The following SPRY3 variants were observed in gnomAD, a reference collection of about 807,000 sequenced individuals.
SPRY3 encodes the protein protein sprouty homolog 3.
Under a neutral mutation model 20.2 loss-of-function variants are expected in SPRY3, and 15 were observed. The ratio of observed to expected loss-of-function variants is 0.74; its 90% CI spans 0.50 to 1.14. The LOEUF is 1.14. SPRY3 is among the 50% of genes most tolerant of loss of function. The pLI is 0.00. For missense variants in SPRY3, 364 were observed against 363.9 expected, an observed-to-expected ratio of 1.00 and a Z score of 0.00; for synonymous variants, 143 against 136.5, an observed-to-expected ratio of 1.05 and a Z score of -0.33.
intron 2 of SPRY3, among the ~76,000 whole-genome samples, chrX:155,667,761 A>G (rs975310994): frequency 1.1e-4 from 12 of 111,566 alleles, no homozygotes; most frequent in Non-Finnish European, 1.1e-4. Flanking sequence ...ATCTCTTATG[A>G]ATCAATAAGA....
At chrX:155,781,949 C>T (rs1230188246) in exon 2 of SPRY3, 5 of 166,724 alleles carry the variant, frequency 3.0e-5, no homozygotes, top group African/African-American at 7.3e-5. Flanking sequence ...TTTCTCTTGC[C>T]CTTGCTGGAA....
intron 1 of SPRY3, among the ~76,000 whole-genome samples, chrX:155,650,273 T>G (rs2067972556): frequency 8.9e-6 from 1 of 111,885 alleles, no homozygotes; most frequent in African/African-American, 3.2e-5. Flanking sequence ...AAATTTCATA[T>G]GGAATCAAAA....
intron 1 of SPRY3, among the ~76,000 whole-genome samples, chrX:155,639,918 A>G (rs1192156166): frequency 1.8e-5 from 2 of 112,366 alleles, no homozygotes; most frequent in Non-Finnish European, 3.8e-5. Flanking sequence ...ATAAATATGA[A>G]GTGATATCTC....
At chrX:155,710,385 G>A (rs1224464738) in intron 2 of SPRY3, among the ~76,000 whole-genome samples, 1 of 151,308 alleles carries the variant, frequency 6.6e-6, no homozygotes, top group Non-Finnish European at 1.5e-5. Context: ...TAACTTCTTT[G>A]GTTAAGTTAA....
intron 1 of SPRY3, among the ~76,000 whole-genome samples, chrX:155,646,582 T>A (rs2067958460): frequency 9.0e-6 from 1 of 111,567 alleles, no homozygotes; most frequent in Admixed American, 9.6e-5. Context: ...CTTAGTTTCC[T>A]TTTTTGGATG....
chrX:155,760,963 C>A (rs1351770624), intron 2 of SPRY3, among the ~76,000 whole-genome samples: 2 of 152,130 alleles, frequency 1.3e-5, no homozygotes, highest in East Asian at 3.8e-4. Context: ...TGGAATTTGT[C>A]TCTAATATTG....
At chrX:155,721,931 T>C (rs1330222189) in intron 2 of SPRY3, among the ~76,000 whole-genome samples, 1 of 152,140 alleles carries the variant, frequency 6.6e-6, no homozygotes, top group Non-Finnish European at 1.5e-5. Flanking sequence ...ACTGTAACTG[T>C]GGTGTGTAAA....
At chrX:155,699,122 C>A (rs955181781) in intron 2 of SPRY3, among the ~76,000 whole-genome samples, 1 of 111,926 alleles carries the variant, frequency 8.9e-6, no homozygotes, top group Admixed American at 9.5e-5. Context: ...AAAGGTGACT[C>A]TCTCTATTCA....
chrX:155,725,155 C>G (rs901702439), intron 2 of SPRY3, among the ~76,000 whole-genome samples: 1 of 152,096 alleles, frequency 6.6e-6, no homozygotes, highest in Non-Finnish European at 1.5e-5. Flanking sequence ...AGCCTTGCAT[C>G]CCAGGGATAA....
chrX:155,638,024 C>A (rs2067929072), intron 1 of SPRY3, among the ~76,000 whole-genome samples: 1 of 105,191 alleles, frequency 9.5e-6, no homozygotes, highest in South Asian at 4.2e-4. Flanking sequence ...TGTAAGGTAA[C>A]CCCATTGGGT....
intron 2 of SPRY3, among the ~76,000 whole-genome samples, chrX:155,741,894 C>G (rs1480307533): frequency 6.6e-6 from 1 of 152,174 alleles, no homozygotes; most frequent in African/African-American, 2.4e-5. Context: ...CTAAAACACA[C>G]TGAAATACAG....
rs1569562347 is a variant in SPRY3, at chrX:155,616,132, T to TCTCTCTCTCTCTCTC, written c.-441+3486_-441+3500dup. 6.3e-3 allele frequency among the ~76,000 whole-genome samples: 187 copies of TCTCTCTCTCTCTCTC among 29,670 alleles called. 3 individuals carry two copies. The highest frequency in any genetic ancestry group is 0.011 in the African/African-American group (176 of 16,401). 25.8% of individuals were successfully genotyped at this position (29,670 alleles called of 115,157 possible). ...TCTCTCTCTCTCTCTCTCTCTCTCCTCTCTCTCTCTCTCTCTCTTCTCTCT... is the reference window on the plus strand; with the variant it reads ...TCTCTCTCTCTCTCTCTCTCTCTCCTCTCTCTCTCTCTCTCCTCTCTCTCTCTCTCTCTTCTCTCT... On this transcript the variant is annotated intron_variant, in intron 1 of 3. Coordinates refer to ENST00000675360, the Ensembl canonical transcript of SPRY3.
downstream of SPRY3, chrX:155,780,310 G>A (rs2091455909): frequency 6.0e-6 from 1 of 166,980 alleles, no homozygotes; most frequent in Non-Finnish European, 1.5e-5. Context: ...GCTGAACACA[G>A]AAGTGGTAAT....
intron 1 of SPRY3, among the ~76,000 whole-genome samples, chrX:155,644,216 T>C (rs2067950775): frequency 9.1e-6 from 1 of 110,430 alleles, no homozygotes; most frequent in Non-Finnish European, 1.9e-5. Flanking sequence ...CTGAGTCTTC[T>C]GGAGCTGGGG....
intron 2 of SPRY3, among the ~76,000 whole-genome samples, chrX:155,692,208 G>GGAGC (rs2124575047): frequency 9.0e-6 from 1 of 110,910 alleles, no homozygotes; most frequent in African/African-American, 3.3e-5. Context: ...TAGCTCCCTG[G>GGAGC]TTGATTTTGA....
At chrX:155,693,839 G>A (rs1202392563) in intron 2 of SPRY3, among the ~76,000 whole-genome samples, 1 of 98,986 alleles carries the variant, frequency 1.0e-5, no homozygotes, top group Non-Finnish European at 2.1e-5. Flanking sequence ...GTCTTGCTAT[G>A]TTGCTCAGGC....
rs759130243 is a variant in SPRY3, at chrX:155,715,094, G to A, written c.-281-52868G>A. On this transcript the variant is annotated intron_variant, in intron 2 of 3. Coordinates refer to ENST00000675360, the Ensembl canonical transcript of SPRY3. Reference sequence around the variant, plus strand: ...CTCACTGTGGCTGAGCTAGTACCTGGGGTGCAAGACAAAGTCCCCTTTACT... The same window carrying A: ...CTCACTGTGGCTGAGCTAGTACCTGAGGTGCAAGACAAAGTCCCCTTTACT... Among the ~76,000 whole-genome samples the A allele has an allele frequency of 6.6e-5, 10 of 152,160 alleles. No individual in the cohort carries two copies. The East Asian group carries it at 1.9e-3, about 29-fold the overall frequency.
intron 2 of SPRY3, among the ~76,000 whole-genome samples, chrX:155,756,395 C>T (rs971104689): frequency 6.6e-6 from 1 of 152,020 alleles, no homozygotes; most frequent in African/African-American, 2.4e-5. Flanking sequence ...ACCATGTGGC[C>T]AGGTGCTTAA....
chrX:155,769,384 T>C (rs1341743227), intron 3 of SPRY3, among the ~76,000 whole-genome samples: 1 of 152,122 alleles, frequency 6.6e-6, no homozygotes, highest in Non-Finnish European at 1.5e-5. Context: ...TTAGAGCATC[T>C]GGACAAGAAA....
Sources: gnomAD v4.1 joint callset for allele counts (sites outside exome capture counted in the v4.1 genomes callset) on GRCh38, gnomAD v4.1.1 for gene constraint, MANE v1.5 for transcripts, NCBI Gene and HGNC (gene_info 2026-07-23, HGNC 2026-07-21) for gene names.